The following SNTB2 variants were observed in gnomAD, a reference collection of about 807,000 sequenced individuals.
SNTB2 encodes the protein beta-2-syntrophin.
SNTB2 carries 34 observed loss-of-function variants against 46.2 expected under a neutral mutation model. The ratio of observed to expected loss-of-function variants is 0.74; its 90% CI spans 0.56 to 0.98. SNTB2 has a LOEUF of 0.98. Ranked by LOEUF, SNTB2 falls within the 50% of genes least tolerant of loss-of-function variation. The pLI, the probability that SNTB2 is intolerant of heterozygous loss-of-function variation, is 0.00. For synonymous variants in SNTB2, 290 were observed against 312.6 expected (o/e 0.93, Z 0.76); for missense variants, 603 against 731.4 (o/e 0.82, Z 2.02).
chr16:69,269,250 G>C lies in SNTB2; in HGVS notation c.1006-893G>C, dbSNP rs139603480. Among the ~76,000 whole-genome samples the C allele has an allele frequency of 2.3e-3, 347 of 152,208 alleles. 6 individuals are homozygous for C. Among genetic ancestry groups the C allele is most frequent in the Admixed American group, 0.015 (236 of 15,272 alleles). ...ATACGATAGATGGGCCAGGCATGGT[G>C]GCTCATGCCTGTAATCCTAGCACTT... On this transcript the variant is annotated intron_variant, in intron 3 of 6. Coordinates refer to ENST00000336278, the MANE Select transcript of SNTB2 (RefSeq NM_006750.4).
intron 2 of SNTB2, among the ~76,000 whole-genome samples, chr16:69,246,433 C>G (rs1165761024): frequency 1.1e-4 from 16 of 149,876 alleles, no homozygotes; most frequent in Non-Finnish European, 1.5e-4. Context: ...GGTGGATAAG[C>G]TTTTTGATGT....
chr16:69,187,685 G>C lies in SNTB2; in HGVS notation c.519G>C (p.Gln173His). The change falls in exon 1 of 7, where the codon CAG becomes CAC. Residue 173 changes from glutamine to histidine, a missense_variant. Coordinates refer to ENST00000336278, the MANE Select transcript of SNTB2 (RefSeq NM_006750.4). The stretch of plus-strand genomic sequence containing the variant: ...CGGTGAACGGCACCGACCTGCGCCA[G>C]GCCACCCACGACCAGGCCGTGCAGG... ...ILSVNGTDLR[Q>H]ATHDQAVQAL... 1 of 1,481,160 alleles carries C rather than the reference G, an allele frequency of 6.8e-7. No individual in the cohort carries two copies. Among genetic ancestry groups the C allele is most frequent in the Non-Finnish European group, 9.0e-7 (1 of 1,114,574 alleles). The allele number at this position is 1,481,160 out of a possible 1,614,324, so 91.8% of individuals were successfully genotyped here.
intron 2 of SNTB2, among the ~76,000 whole-genome samples, chr16:69,250,374 A>T (rs1964714642): frequency 6.6e-6 from 1 of 152,210 alleles, no homozygotes; most frequent in African/African-American, 2.4e-5. Context: ...TAGGCTTCGT[A>T]ATGTTGGTCA....
At chr16:69,283,843 A>G (rs1312130518) in intron 4 of SNTB2, among the ~76,000 whole-genome samples, 1 of 152,040 alleles carries the variant, frequency 6.6e-6, no homozygotes, top group Non-Finnish European at 1.5e-5. Flanking sequence ...CAAGACTGGT[A>G]TCTTGTCTGA....
chr16:69,207,377 C>T (rs181422237), intron 1 of SNTB2, among the ~76,000 whole-genome samples: 6 of 149,494 alleles, frequency 4.0e-5, no homozygotes, highest in Non-Finnish European at 7.4e-5. Context: ...AGGCTGGTTT[C>T]GAACTCCTGA....
At chr16:69,294,929 C>T (rs139042880) in intron 5 of SNTB2, among the ~76,000 whole-genome samples, 3,227 of 152,042 alleles carry the variant, frequency 0.021, 118 homozygotes, top group African/African-American at 0.073. Context: ...AGCAATTCTC[C>T]GGCCTCAGCC....
chr16:69,259,766 T>G (rs372766203), intron 2 of SNTB2, among the ~76,000 whole-genome samples: 3 of 151,602 alleles, frequency 2.0e-5, no homozygotes, highest in African/African-American at 7.3e-5. Flanking sequence ...CCCACCACCA[T>G]GTCCGGCTAA....
At chr16:69,263,971 A>AT (rs999893892) in intron 3 of SNTB2, among the ~76,000 whole-genome samples, 8 of 151,422 alleles carry the variant, frequency 5.3e-5, no homozygotes, top group Non-Finnish European at 1.2e-4. Context: ...CAAAAAAAAA[A>AT]TTTTTTGTGT....
At chr16:69,294,790 CTT>C (rs1965206922) in intron 5 of SNTB2, among the ~76,000 whole-genome samples, 1 of 151,754 alleles carries the variant, frequency 6.6e-6, no homozygotes, top group Non-Finnish European at 1.5e-5. Flanking sequence ...ACCTTCCTCT[CTT>C]GATACCTGAA....
At chr16:69,250,697 G>A (rs966119489) in intron 2 of SNTB2, among the ~76,000 whole-genome samples, 1 of 151,826 alleles carries the variant, frequency 6.6e-6, no homozygotes, top group Admixed American at 6.6e-5. Context: ...GGGAGTTTGC[G>A]ACCCTGTCTG....
chr16:69,296,799 G>T (rs1208165161), intron 5 of SNTB2, among the ~76,000 whole-genome samples: 3 of 151,842 alleles, frequency 2.0e-5, no homozygotes, highest in Non-Finnish European at 2.9e-5. Flanking sequence ...GTGAGGTCAG[G>T]AGTTTGAGAC....
chr16:69,265,793 C>T (rs1030497264), intron 3 of SNTB2, among the ~76,000 whole-genome samples: 1 of 148,536 alleles, frequency 6.7e-6, no homozygotes, highest in Non-Finnish European at 1.5e-5. Context: ...CACCATTGCA[C>T]TCCAGCCTAG....
At chr16:69,287,867 T>C (rs4395065) in intron 5 of SNTB2, among the ~76,000 whole-genome samples, 1 of 151,352 alleles carries the variant, frequency 6.6e-6, no homozygotes, top group Non-Finnish European at 1.5e-5. Flanking sequence ...TCAAAAAATA[T>C]ATATATATAT....
At chr16:69,274,641 A>G (rs2143130891) in intron 4 of SNTB2, among the ~76,000 whole-genome samples, 1 of 147,044 alleles carries the variant, frequency 6.8e-6, no homozygotes, top group East Asian at 2.0e-4. Flanking sequence ...AGACAGAGCG[A>G]GACTCCATCT....
chr16:69,239,171 AGTCTTTGTT>A (rs1191043738), intron 1 of SNTB2, among the ~76,000 whole-genome samples: 1 of 152,088 alleles, frequency 6.6e-6, no homozygotes, highest in African/African-American at 2.4e-5. Flanking sequence ...CATCTCCTAA[AGTCTTTGTT>A]CAAACATCTT....
chr16:69,259,810 G>T (rs907980565), intron 2 of SNTB2, among the ~76,000 whole-genome samples: 1 of 149,786 alleles, frequency 6.7e-6, no homozygotes, highest in African/African-American at 2.5e-5. Flanking sequence ...GAGTTTCACC[G>T]TGTTGCCCAG....
rs543700225 is a variant in SNTB2, at chr16:69,250,125, T to G, written c.794+4310T>G. 3.9e-5 allele frequency among the ~76,000 whole-genome samples: 6 copies of G among 152,336 alleles called. No individual in the cohort carries two copies. The South Asian group carries it at 1.2e-3, about 32-fold the overall frequency. On this transcript the variant is annotated intron_variant, in intron 2 of 6. Transcript: ENST00000336278. ...AAAAATTTTGCAAATGATTTGCTTT[T>G]TGTAAAATATAAATTGGAAGAGATT...
At chr16:69,189,708 G>A (rs1457905504) in intron 1 of SNTB2, among the ~76,000 whole-genome samples, 1 of 152,218 alleles carries the variant, frequency 6.6e-6, no homozygotes, top group Non-Finnish European at 1.5e-5. Context: ...CTGCACTCCA[G>A]CATGGATGCC....
chr16:69,223,978 A>G (rs1964433295), intron 1 of SNTB2, among the ~76,000 whole-genome samples: 2 of 152,038 alleles, frequency 1.3e-5, no homozygotes, highest in Non-Finnish European at 2.9e-5. Context: ...ACACTTTAGA[A>G]GAATACTGGT....
Sources: gnomAD v4.1 joint callset for allele counts (sites outside exome capture counted in the v4.1 genomes callset) on GRCh38, gnomAD v4.1.1 for gene constraint, MANE v1.5 for transcripts, NCBI Gene and HGNC (gene_info 2026-07-23, HGNC 2026-07-21) for gene names.